Variants in DENND2B observed in about 807,000 individuals in gnomAD.
DENND2B encodes the protein DENN domain containing 2B.
In DENND2B, 32 loss-of-function variants were observed where a neutral mutation model predicts 116.0. The ratio of observed to expected loss-of-function variants is 0.28; its 90% confidence interval spans 0.21 to 0.37. The LOEUF (loss-of-function observed/expected upper bound fraction) is 0.37. DENND2B is among the 10% of genes least tolerant of loss of function. The pLI is 1.00. For synonymous variants in DENND2B, 588 were observed against 583.9 expected (o/e 1.01, Z -0.10); for missense variants, 1,276 against 1,477.7 (o/e 0.86, Z 2.24).
chr11:8,879,215 AG>A (rs1323948693), intron 2 of DENND2B, among the ~76,000 whole-genome samples: 2 of 152,222 alleles, frequency 1.3e-5, no homozygotes, highest in Non-Finnish European at 1.5e-5. Context: ...TCCAGGCCAA[AG>A]CATTGAAGAA....
Position 8,697,690 on chromosome 11 carries a change from A to C in DENND2B, c.2941-54T>G, listed in dbSNP as rs1030370004. ...TCATAGCTGACACTGAGCACTTACTATGTGCTAAGACCTGTTAGAAGAGCG... is the reference window on the plus strand; with the variant it reads ...TCATAGCTGACACTGAGCACTTACTCTGTGCTAAGACCTGTTAGAAGAGCG... On this transcript the variant is annotated intron_variant, in intron 16 of 19. Coordinates refer to ENST00000313726, the MANE Select transcript of DENND2B (RefSeq NM_213618.2). The C allele has an allele frequency of 2.5e-6, 3 of 1,188,348 alleles. No homozygotes were observed. The African/African-American group carries it at 4.5e-5, about 18-fold the overall frequency. The allele number at this position is 1,188,348 out of a possible 1,614,324, so 73.6% of individuals were successfully genotyped here.
Position 8,730,912 on chromosome 11 carries a change from T to TGC in DENND2B, c.376_377dup (p.Gly127GlnfsTer27). The TGC allele has an allele frequency of 6.2e-7, 1 of 1,614,148 alleles. No homozygotes were observed. The highest frequency in any genetic ancestry group is 1.7e-5 in the Admixed American group (1 of 60,030). ...CAAGGGGGAGGCAGGCAGCGACCCC[T>TGC]GCTACATCCTGGGCTGCGCCTTGGA... On this transcript the variant is annotated frameshift_variant, in exon 3 of 20. Coordinates refer to ENST00000313726, the MANE Select transcript of DENND2B (RefSeq NM_213618.2). LOFTEE classifies it high-confidence loss of function. The surrounding 1 kb of genome is among the most constrained non-coding windows in gnomAD (Gnocchi z 4.1).
chr11:8,814,184 C>G (rs2061489158), upstream of DENND2B, among the ~76,000 whole-genome samples: 1 of 151,926 alleles, frequency 6.6e-6, no homozygotes, highest in Admixed American at 6.6e-5. Flanking sequence ...CTACCCATCT[C>G]TCACCTTAAT....
At chr11:8,717,947 A>C in intron 4 of DENND2B, 55 bp from the exon 5 acceptor site, 1 of 1,570,618 alleles carries the variant, frequency 6.4e-7, no homozygotes, top group Non-Finnish European at 8.7e-7. Flanking sequence ...AAACACACGA[A>C]CTCACACACA....
intron 1 of DENND2B, among the ~76,000 whole-genome samples, chr11:8,806,640 C>CACACACACACACA (rs1555201307): frequency 1.4e-3 from 13 of 9,300 alleles, no homozygotes; most frequent in East Asian, 9.7e-3. Flanking sequence ...ACACACACAC[C>CACACACACACACA]CAGGAGAGCT....
intron 1 of DENND2B, among the ~76,000 whole-genome samples, chr11:8,760,903 A>T (rs2054495803): frequency 6.6e-6 from 1 of 152,174 alleles, no homozygotes; most frequent in African/African-American, 2.4e-5. Context: ...AATCTCCCTC[A>T]ATCAGCCACA....
At chr11:8,760,589 G>A (rs1272137519) in intron 1 of DENND2B, among the ~76,000 whole-genome samples, 1 of 152,150 alleles carries the variant, frequency 6.6e-6, no homozygotes. Flanking sequence ...CTGCACTCCA[G>A]CCTGGGTGAC....
At chr11:8,797,927 A>G (rs1381064624) in intron 1 of DENND2B, among the ~76,000 whole-genome samples, 1 of 152,008 alleles carries the variant, frequency 6.6e-6, no homozygotes, top group Admixed American at 6.6e-5. Context: ...GCTCTTTCCT[A>G]CCTCAGGAGC....
intron 19 of DENND2B, 25 bp from the exon 20 acceptor site, chr11:8,694,155 G>C (rs766437257): frequency 2.0e-5 from 33 of 1,614,022 alleles, no homozygotes; most frequent in Non-Finnish European, 2.6e-5. Flanking sequence ...GGACAAGAGA[G>C]AATGTTCAGT....
chr11:8,836,481 G>A (rs1246052644), intron 4 of DENND2B, among the ~76,000 whole-genome samples: 4 of 142,774 alleles, frequency 2.8e-5, no homozygotes, highest in Admixed American at 2.2e-4. Flanking sequence ...GAGTGCAGTG[G>A]TGCAATCTCA....
intron 13 of DENND2B, among the ~76,000 whole-genome samples, chr11:8,706,510 C>G (rs941009183): frequency 1.3e-5 from 2 of 152,040 alleles, no homozygotes; most frequent in Non-Finnish European, 2.9e-5. Context: ...CCATCTCCCT[C>G]CTCCTGCTTC....
At chr11:8,832,582 G>A (rs2062256734) in intron 4 of DENND2B, 1 of 138,244 alleles carries the variant, frequency 7.2e-6, no homozygotes, top group East Asian at 1.9e-4. Context: ...TGGTCTCAGT[G>A]GAACTAGCAT....
chr11:8,705,406 T>C (rs1053128668), intron 13 of DENND2B, among the ~76,000 whole-genome samples: 1 of 152,158 alleles, frequency 6.6e-6, no homozygotes, highest in Non-Finnish European at 1.5e-5. Context: ...GACCTCTTGG[T>C]GGTTCCTGAT....
At chr11:8,906,179 T>C (rs902980751) in intron 1 of DENND2B, among the ~76,000 whole-genome samples, 9 of 150,630 alleles carry the variant, frequency 6.0e-5, no homozygotes, top group Non-Finnish European at 1.0e-4. Flanking sequence ...ATGTACATTA[T>C]ACCTCAATAA....
At position 8,694,140 on chromosome 11, in the gene DENND2B, A is replaced by G; in HGVS notation, c.3380-10T>C. 6.2e-7 allele frequency: 1 copy of G among 1,614,168 alleles called. No individual in the cohort carries two copies. Among genetic ancestry groups the G allele is most frequent in the Non-Finnish European group, 8.5e-7 (1 of 1,180,022 alleles). Reference sequence around the variant, plus strand: ...AACTTCATTTTGTTGCCTGTGGGCCAGAGAGGACAAGAGAGAATGTTCAGT... The same window carrying G: ...AACTTCATTTTGTTGCCTGTGGGCCGGAGAGGACAAGAGAGAATGTTCAGT... On this transcript the variant is annotated splice_polypyrimidine_tract_variant and intron_variant, in intron 19 of 19. Transcript: ENST00000313726.
At chr11:8,776,154 G>GCACACACACACACACACA (rs753898926) in intron 1 of DENND2B, 1 of 272,868 alleles carries the variant, frequency 3.7e-6, no homozygotes, top group Non-Finnish European at 7.7e-6. Context: ...GCGCACGCGC[G>GCACACACACACACACACA]CGCGCGCACA....
At chr11:8,731,356 G>T in intron 2 of DENND2B, 147 bp from the exon 3 acceptor site, 1 of 803,396 alleles carries the variant, frequency 1.2e-6, no homozygotes, top group Non-Finnish European at 1.8e-6. Context: ...AATATACCTT[G>T]AAGGCTGTCT....
At chr11:8,696,397 T>C (rs1051140130) in intron 18 of DENND2B, 30 bp downstream of exon 18, 3 of 1,609,924 alleles carry the variant, frequency 1.9e-6, no homozygotes, top group Non-Finnish European at 2.5e-6. Context: ...GTGAAAAAAT[T>C]AGAGAAGAGA....
At chr11:8,774,673 G>A (rs2057376816) in intron 1 of DENND2B, among the ~76,000 whole-genome samples, 1 of 152,108 alleles carries the variant, frequency 6.6e-6, no homozygotes. Flanking sequence ...AAGGGGCACA[G>A]CAAGTTCCCC....
Sources: allele counts gnomAD v4.1 joint callset (sites outside exome capture counted in the v4.1 genomes callset), GRCh38; gene constraint gnomAD v4.1.1; non-coding constraint Gnocchi (gnomAD v3.1); transcripts MANE v1.5; gene names NCBI Gene and HGNC (gene_info 2026-07-23, HGNC 2026-07-21).